The following SCN8A variants were observed in gnomAD, a reference collection of about 807,000 sequenced individuals.
The protein encoded by SCN8A is sodium channel protein type 8 subunit alpha.
A neutral mutation model predicts 184.1 loss-of-function variants in SCN8A; 30 were observed. That is an observed-to-expected ratio of 0.16 (90% CI 0.12 to 0.22). The LOEUF (loss-of-function observed/expected upper bound fraction) is 0.22. SCN8A is among the 10% of genes least tolerant of loss of function. The pLI is 1.00. For missense variants in SCN8A, 1,057 were observed against 2,498.9 expected, an observed-to-expected ratio of 0.42 and a Z score of 12.30; for synonymous variants, 852 against 907.0, an observed-to-expected ratio of 0.94 and a Z score of 1.09.
intron 2 of SCN8A, among the ~76,000 whole-genome samples, chr12:51,678,636 GGAA>G (rs1565883826): frequency 1.3e-5 from 2 of 152,170 alleles, no homozygotes; most frequent in East Asian, 1.9e-4. Context: ...GCAGAGGCAG[GGAA>G]GAAGGAGAAC....
At chr12:51,742,311 C>T (rs915391564) in intron 12 of SCN8A, among the ~76,000 whole-genome samples, 5 of 152,118 alleles carry the variant, frequency 3.3e-5, no homozygotes, top group Non-Finnish European at 5.9e-5. Flanking sequence ...ATGATTTCTT[C>T]TTGCCGTTAA....
chr12:51,760,026 C>T (rs1003722755), intron 14 of SCN8A, among the ~76,000 whole-genome samples: 5 of 152,352 alleles, frequency 3.3e-5, no homozygotes, highest in South Asian at 2.1e-4. Flanking sequence ...CATCAGTCCA[C>T]TCATGATGGC....
chr12:51,754,323 C>CTTT (rs35536426), intron 14 of SCN8A, among the ~76,000 whole-genome samples: 2 of 144,600 alleles, frequency 1.4e-5, no homozygotes, highest in South Asian at 2.2e-4. Context: ...CAAAAAACTT[C>CTTT]TTTTTTTTTT....
intron 21 of SCN8A, among the ~76,000 whole-genome samples, chr12:51,782,726 C>T (rs765885181): frequency 6.6e-6 from 1 of 152,158 alleles, no homozygotes; most frequent in Non-Finnish European, 1.5e-5. Context: ...CCGCTGAGGC[C>T]AGTTTGCTCA....
At chr12:51,595,243 T>C (rs1402282815) in intron 1 of SCN8A, among the ~76,000 whole-genome samples, 1 of 152,186 alleles carries the variant, frequency 6.6e-6, no homozygotes, top group East Asian at 1.9e-4. Flanking sequence ...TCTTACCCTG[T>C]AAGTTTATTA....
intron 1 of SCN8A, among the ~76,000 whole-genome samples, chr12:51,645,303 G>A (rs1442893526): frequency 3.3e-5 from 5 of 149,324 alleles, no homozygotes; most frequent in East Asian, 2.0e-4. Flanking sequence ...CCCTCTGCCC[G>A]GCCAGCCGCC....
chr12:51,650,789 A>T (rs2138651386), intron 1 of SCN8A, among the ~76,000 whole-genome samples: 1 of 152,316 alleles, frequency 6.6e-6, no homozygotes, highest in East Asian at 1.9e-4. Context: ...ACCCTAACCC[A>T]GCGGTGCTAG....
At chr12:51,642,173 A>G (rs967811580) in intron 1 of SCN8A, among the ~76,000 whole-genome samples, 28 of 151,930 alleles carry the variant, frequency 1.8e-4, no homozygotes, top group African/African-American at 6.3e-4. Context: ...CTTCCTACCT[A>G]TTGTTCTTTT....
intron 20 of SCN8A, among the ~76,000 whole-genome samples, chr12:51,778,480 G>T (rs1937782019): frequency 6.6e-6 from 1 of 151,932 alleles, no homozygotes; most frequent in Non-Finnish European, 1.5e-5. Context: ...GTAGAGACGG[G>T]GTTTCACCAT....
intron 6 of SCN8A, among the ~76,000 whole-genome samples, chr12:51,698,332 G>C (rs756308676): frequency 4.6e-5 from 7 of 152,214 alleles, no homozygotes; most frequent in Non-Finnish European, 8.8e-5. Flanking sequence ...TATCTACCCA[G>C]GCACACCCTT....
At chr12:51,670,196 A>G (rs375931322) in intron 2 of SCN8A, among the ~76,000 whole-genome samples, 7 of 152,188 alleles carry the variant, frequency 4.6e-5, no homozygotes, top group African/African-American at 1.2e-4. Context: ...AAGTATGGCT[A>G]CCTAGAGGAG....
At chr12:51,606,010 A>T (rs963993051) in intron 1 of SCN8A, among the ~76,000 whole-genome samples, 3 of 151,998 alleles carry the variant, frequency 2.0e-5, no homozygotes, top group African/African-American at 7.2e-5. Flanking sequence ...TTTTTCAGAT[A>T]TATAGATTGT....
chr12:51,697,323 T>C (rs1941612145), intron 6 of SCN8A, among the ~76,000 whole-genome samples: 1 of 152,188 alleles, frequency 6.6e-6, no homozygotes, highest in Non-Finnish European at 1.5e-5. Context: ...TTAATTCCTC[T>C]TAGATCCCTT....
intron 13 of SCN8A, among the ~76,000 whole-genome samples, chr12:51,749,858 A>G (rs2138835838): frequency 6.6e-6 from 1 of 152,260 alleles, no homozygotes; most frequent in South Asian, 2.1e-4. Context: ...GTGTCAGCAG[A>G]ATTGAACAGA....
chr12:51,782,404 G>A lies in SCN8A; in HGVS notation c.3942+1633G>A, dbSNP rs921916042. On this transcript the variant is annotated intron_variant, in intron 21 of 26. Coordinates refer to ENST00000627620, the MANE Select transcript of SCN8A (RefSeq NM_001330260.2). ...CACCTTTGCATGTTTTCCAGAGGGA[G>A]CTAATAAAATGTTTTAATAAACTAT... Among the ~76,000 whole-genome samples the A allele has an allele frequency of 2.0e-5, 3 of 152,328 alleles. No homozygotes were observed. The East Asian group carries it at 5.8e-4, about 29-fold the overall frequency.
chr12:51,747,512 A>C (rs1483316209), intron 13 of SCN8A, among the ~76,000 whole-genome samples: 1 of 152,194 alleles, frequency 6.6e-6, no homozygotes. Flanking sequence ...AGAAAGAAAA[A>C]CTAACAACCT....
chr12:51,807,627 A>G lies in SCN8A; in HGVS notation c.*198A>G, dbSNP rs1412275854. On this transcript the variant is annotated 3_prime_UTR_variant, in exon 27 of 27. Transcript: ENST00000627620. The surrounding 1 kb of genome is among the most constrained non-coding windows in gnomAD (Gnocchi z 4.5). The stretch of plus-strand genomic sequence containing the variant: ...CCAAGGGCAAAGGACCCCGCTCCCT[A>G]GACTTACAGATTTTCTAATGCTTGG... 1 of 618,762 alleles carries G rather than the reference A, an allele frequency of 1.6e-6. No homozygotes were observed. Among genetic ancestry groups the G allele is most frequent in the Non-Finnish European group, 2.8e-6 (1 of 355,336 alleles). 38.3% of individuals were successfully genotyped at this position (618,762 alleles called of 1,614,324 possible).
In SCN8A at chr12:51,591,239, C is replaced by T. The variant is rs1282415294; in HGVS notation, c.-175C>T. ...CGGTGCGGGGGGCGGGCGCGGGGAG[C>T]GCTCCAAGATGGCGCCCACCGCAGT... On this transcript the variant is annotated 5_prime_UTR_variant, in exon 1 of 27. Coordinates refer to ENST00000627620, the MANE Select transcript of SCN8A (RefSeq NM_001330260.2). 3 of 151,382 alleles carry T rather than the reference C, an allele frequency of 2.0e-5. No individual in the cohort carries two copies. The highest frequency in any genetic ancestry group is 1.9e-4 in the South Asian group (1 of 5,200). 9.4% of individuals were successfully genotyped at this position (151,382 alleles called of 1,614,324 possible). A position where few individuals can be genotyped will look rare whatever the true frequency, so the allele number is the denominator to read the frequency against.
intron 1 of SCN8A, among the ~76,000 whole-genome samples, chr12:51,661,835 G>A (rs778611355): frequency 6.6e-6 from 1 of 152,164 alleles, no homozygotes; most frequent in Non-Finnish European, 1.5e-5. Context: ...AATAATCCAG[G>A]ACTCTTATAA....
Sources: allele counts gnomAD v4.1 joint callset (sites outside exome capture counted in the v4.1 genomes callset), GRCh38; gene constraint gnomAD v4.1.1; non-coding constraint Gnocchi (gnomAD v3.1); transcripts MANE v1.5; gene names NCBI Gene and HGNC (gene_info 2026-07-23, HGNC 2026-07-21).